PSMG4: variants seen among roughly 807,000 people sequenced by gnomAD.
PSMG4 encodes proteasome (prosome, macropain) assembly chaperone 4.
PSMG4 carries 10 observed loss-of-function variants against 11.0 expected under a neutral mutation model. The ratio of observed to expected loss-of-function variants is 0.91; its 90% CI spans 0.56 to 1.54. The LOEUF (loss-of-function observed/expected upper bound fraction) is 1.54. PSMG4 is among the 40% of genes most tolerant of loss of function. The pLI is 0.00. For missense variants in PSMG4, 198 were observed against 160.9 expected (o/e 1.23, Z -1.25); for synonymous variants, 95 against 71.3 (o/e 1.33, Z -1.68).
chr6:3,257,447 C>T (rs1370205927), upstream of PSMG4, among the ~76,000 whole-genome samples: 2 of 152,304 alleles, frequency 1.3e-5, no homozygotes, highest in East Asian at 3.9e-4. Context: ...AACTCTCCAC[C>T]GGTCGGTAAC....
upstream of PSMG4, chr6:3,255,198 G>A (rs1265088427): frequency 1.3e-6 from 2 of 1,550,484 alleles, no homozygotes; most frequent in South Asian, 1.2e-5. Context: ...GAAGTAGGAT[G>A]TTTGGTGGCA....
chr6:3,256,327 G>A (rs1757764779), upstream of PSMG4, among the ~76,000 whole-genome samples: 1 of 152,206 alleles, frequency 6.6e-6, no homozygotes, highest in Non-Finnish European at 1.5e-5. Context: ...GACCCCTGAT[G>A]GGTCCACAGA....
upstream of PSMG4, chr6:3,254,920 T>A: frequency 1.0e-6 from 1 of 989,436 alleles, no homozygotes; most frequent in Non-Finnish European, 1.5e-6. Context: ...AGCTGGTGCT[T>A]CAGCCATTCT....
At chr6:3,258,699 C>G (rs749445365), upstream of PSMG4, among the ~76,000 whole-genome samples, 1 of 152,056 alleles carries the variant, frequency 6.6e-6, no homozygotes, top group Non-Finnish European at 1.5e-5. Flanking sequence ...GCTGGGCGCC[C>G]GTGGACTCCT....
At chr6:3,264,285 C>T (rs961211292) in intron 2 of PSMG4, 7 of 1,551,274 alleles carry the variant, frequency 4.5e-6, no homozygotes, top group African/African-American at 2.7e-5. Flanking sequence ...AGGCTGAATG[C>T]TCCACTCTTC....
In PSMG4 at chr6:3,267,870, TACTG is replaced by T. The variant is rs568274569; in HGVS notation, c.*161_*164del. 121 of 683,086 alleles carry T rather than the reference TACTG, an allele frequency of 1.8e-4. 1 individual carries two copies. The African/African-American group carries it at 2.1e-3, about 12-fold the overall frequency. The allele number at this position is 683,086 out of a possible 1,614,324, so 42.3% of individuals were successfully genotyped here. ...AGCAGTGTGTGGGCCAAAAGGCTCA[TACTG>T]ACCCACCTGGTGAAGGAGAGGCAAA... On this transcript the variant is annotated 3_prime_UTR_variant, in exon 3 of 3. Coordinates refer to ENST00000438998, the MANE Select transcript of PSMG4 (RefSeq NM_001128591.2).
upstream of PSMG4, among the ~76,000 whole-genome samples, chr6:3,254,417 A>C (rs531826721): frequency 4.6e-5 from 7 of 151,616 alleles, no homozygotes; most frequent in East Asian, 7.8e-4. Context: ...GGCACATCTG[A>C]GGAGGTATGG....
chr6:3,267,490 C>A, intron 2 of PSMG4, 101 bp from the exon 3 acceptor site: 1 of 1,378,788 alleles, frequency 7.3e-7, no homozygotes, highest in Non-Finnish European at 9.8e-7. Context: ...CCCTACAACC[C>A]CATCCTCTTT....
At chr6:3,263,154 G>C (rs564323361) in intron 1 of PSMG4, among the ~76,000 whole-genome samples, 1 of 152,256 alleles carries the variant, frequency 6.6e-6, no homozygotes, top group African/African-American at 2.4e-5. Context: ...CTGGTGGCTG[G>C]TGCCCTTTGT....
At chr6:3,259,709 CTCTT>C (rs1404843892) in intron 1 of PSMG4, among the ~76,000 whole-genome samples, 1 of 152,172 alleles carries the variant, frequency 6.6e-6, no homozygotes, top group African/African-American at 2.4e-5. Context: ...TCTTTGATTC[CTCTT>C]TCTTCACACT....
intron 1 of PSMG4, among the ~76,000 whole-genome samples, chr6:3,262,793 T>G (rs202119173): frequency 4.6e-4 from 4 of 8,682 alleles, no homozygotes; most frequent in East Asian, 1.8e-3. Flanking sequence ...CCAATAAGTG[T>G]TTTTTTTTTC....
At chr6:3,261,229 T>TTG (rs67015623) in intron 1 of PSMG4, among the ~76,000 whole-genome samples, 126,389 of 152,024 alleles carry the variant, frequency 0.83, 52,797 homozygotes, top group Non-Finnish European at 0.87. Context: ...TTTCTTTTCC[T>TTG]TTTCCTTTTT....
chr6:3,254,621 G>A (rs1200882251), upstream of PSMG4, among the ~76,000 whole-genome samples: 1 of 152,190 alleles, frequency 6.6e-6, no homozygotes, highest in African/African-American at 2.4e-5. Context: ...GTAGCTTTAA[G>A]AGGTGTAACA....
At position 3,258,963 on chromosome 6, in the gene PSMG4, C is replaced by T. The variant is rs941515884; in HGVS notation, c.-60C>T. The T allele has an allele frequency of 1.1e-5, 14 of 1,226,488 alleles. No individual in the cohort carries two copies. The highest frequency in any genetic ancestry group is 1.4e-5 in the Non-Finnish European group (14 of 980,920). 76.0% of individuals were successfully genotyped at this position (1,226,488 alleles called of 1,614,324 possible). A position where few individuals can be genotyped will look rare whatever the true frequency, so the allele number is the denominator to read the frequency against. On this transcript the variant is annotated 5_prime_UTR_variant, in exon 1 of 3. Transcript: ENST00000438998. ...TCGGTGCTCGCTCCATCGGGTCTGGCGGGGCTGGCAGCGGCGAGGACCCGG... is the reference window on the plus strand; with the variant it reads ...TCGGTGCTCGCTCCATCGGGTCTGGTGGGGCTGGCAGCGGCGAGGACCCGG...
intron 2 of PSMG4, chr6:3,266,547 A>G (rs1395244384): frequency 6.6e-6 from 1 of 152,182 alleles, no homozygotes; most frequent in Admixed American, 6.5e-5. Flanking sequence ...GCAACATCCA[A>G]CTGCTTTAGC....
upstream of PSMG4, among the ~76,000 whole-genome samples, chr6:3,258,634 G>A (rs891498162): frequency 1.3e-5 from 2 of 152,188 alleles, no homozygotes; most frequent in Admixed American, 6.5e-5. Flanking sequence ...GCCCTTGAAT[G>A]CCCCGCGTCA....
chr6:3,254,738 C>T (rs371731712), upstream of PSMG4, among the ~76,000 whole-genome samples: 8 of 152,190 alleles, frequency 5.3e-5, no homozygotes, highest in Non-Finnish European at 8.8e-5. Context: ...CAAACTCCCC[C>T]TGTGCCTCTT....
chr6:3,258,902 C>T (rs989062872), upstream of PSMG4: 246 of 1,005,274 alleles, frequency 2.4e-4, 1 homozygote, highest in Non-Finnish European at 3.0e-4. Flanking sequence ...TCACCCCCGC[C>T]CTTCCGGGGC....
At chr6:3,262,316 G>A (rs375451182) in intron 1 of PSMG4, among the ~76,000 whole-genome samples, 33 of 152,146 alleles carry the variant, frequency 2.2e-4, no homozygotes, top group Non-Finnish European at 7.4e-5. Flanking sequence ...TTAACTTTTG[G>A]TAGAAAAAGG....
Sources: allele counts gnomAD v4.1 joint callset (sites outside exome capture counted in the v4.1 genomes callset), GRCh38; gene constraint gnomAD v4.1.1; transcripts MANE v1.5; gene names NCBI Gene and HGNC (gene_info 2026-07-23, HGNC 2026-07-21).